The following DNAJA4 variants were observed in gnomAD, a reference collection of about 807,000 sequenced individuals.
DNAJA4 encodes the protein dnaJ homolog subfamily A member 4.
A neutral mutation model predicts 39.7 loss-of-function variants in DNAJA4; 32 were observed. The observed-to-expected ratio is 0.81, with a 90% CI of 0.61 to 1.08. DNAJA4 has a LOEUF of 1.08. DNAJA4 is among the 50% of genes least tolerant of loss of function. The pLI is 0.00. For synonymous variants in DNAJA4, 184 were observed against 182.4 expected (o/e 1.01, Z -0.07); for missense variants, 439 against 505.1 (o/e 0.87, Z 1.25).
At chr15:78,266,173 C>T (rs1226734712) in intron 1 of DNAJA4, 2 of 1,575,688 alleles carry the variant, frequency 1.3e-6, no homozygotes, top group Non-Finnish European at 1.7e-6. Flanking sequence ...TTGTGGTCCG[C>T]TTCTGACAGT....
At chr15:78,267,168 G>GTA (rs2049153015) in intron 1 of DNAJA4, among the ~76,000 whole-genome samples, 5 of 102,314 alleles carry the variant, frequency 4.9e-5, no homozygotes, top group African/African-American at 1.3e-4. Flanking sequence ...GTATGTGAGT[G>GTA]TGTGAGTGTG....
At chr15:78,275,264 C>T in intron 4 of DNAJA4, 1 of 528,720 alleles carries the variant, frequency 1.9e-6, no homozygotes. Context: ...GGATGTAGAG[C>T]CGCATTCCCC....
chr15:78,275,271 C>A, intron 4 of DNAJA4: 1 of 547,932 alleles, frequency 1.8e-6, no homozygotes. Flanking sequence ...GAGCCGCATT[C>A]CCCCACTCCC....
At chr15:78,273,276 G>A (rs2049353855) in intron 3 of DNAJA4, 77 bp downstream of exon 3, 3 of 905,596 alleles carry the variant, frequency 3.3e-6, no homozygotes, top group Non-Finnish European at 5.4e-6. Context: ...TATAGTTCAG[G>A]GAAAATAAGT....
intron 5 of DNAJA4, 144 bp downstream of exon 5, chr15:78,275,872 G>A (rs1269662182): frequency 1.6e-6 from 1 of 635,322 alleles, no homozygotes. Flanking sequence ...CATAAAATGG[G>A]TAATGATCAA....
Position 78,274,399 on chromosome 15 carries a change from G to C in DNAJA4, c.621G>C (p.Lys207Asn). 6.2e-7 allele frequency: 1 copy of C among 1,614,152 alleles called. No individual in the cohort carries two copies. The highest frequency in any genetic ancestry group is 8.5e-7 in the Non-Finnish European group (1 of 1,180,036). Residue 207 changes from lysine (K) to asparagine (N), a missense_variant, in exon 4 of 7, where the codon AAG becomes AAC. Physicochemically the swap from Lys to Asn is moderately conservative, Grantham distance 94. Coordinates refer to ENST00000394852, the MANE Select transcript of DNAJA4 (RefSeq NM_001130182.2). ...GGGCCAAGGTGATCCGTGAGAAGAA[G>C]ATTATCGAGGTACATGTTGAAAAAG... ...CSGAKVIREK[K>N]IIEVHVEKGM... is the part of the protein sequence containing the mutation.
chr15:78,264,408 C>G, upstream of DNAJA4: 3 of 1,371,848 alleles, frequency 2.2e-6, no homozygotes, highest in South Asian at 4.9e-5. Context: ...GCGGCTGGGC[C>G]GCGCCGGACG....
intron 5 of DNAJA4, 33 bp downstream of exon 5, chr15:78,275,761 C>A: frequency 6.8e-7 from 1 of 1,473,940 alleles, no homozygotes; most frequent in South Asian, 1.2e-5. Context: ...CATTGATGTT[C>A]TGTATGTTTG....
chr15:78,274,115 C>G (rs1349769463), intron 3 of DNAJA4, 82 bp from the exon 4 acceptor site: 1 of 1,389,290 alleles, frequency 7.2e-7, no homozygotes, highest in Non-Finnish European at 9.8e-7. Context: ...TGAGGGTTCC[C>G]TACCCTTCTG....
intron 5 of DNAJA4, among the ~76,000 whole-genome samples, chr15:78,276,634 T>C (rs2049467921): frequency 6.6e-6 from 1 of 152,248 alleles, no homozygotes; most frequent in African/African-American, 2.4e-5. Flanking sequence ...TGGTGGCGGC[T>C]ACGCCACCGA....
chr15:78,266,570 T>A (rs565815359), intron 1 of DNAJA4, among the ~76,000 whole-genome samples: 12 of 152,340 alleles, frequency 7.9e-5, no homozygotes, highest in South Asian at 4.1e-4. Context: ...CCAGGAATAC[T>A]TTCCTTCCTC....
chr15:78,273,716 C>T (rs1023164993), intron 3 of DNAJA4, among the ~76,000 whole-genome samples: 2 of 152,124 alleles, frequency 1.3e-5, no homozygotes, highest in African/African-American at 4.8e-5. Context: ...TTTCTTGACC[C>T]CTGACTTAAA....
chr15:78,277,804 C>T, intron 5 of DNAJA4: 1 of 348,964 alleles, frequency 2.9e-6, no homozygotes, highest in Admixed American at 3.9e-5. Flanking sequence ...GAAAGAGCCC[C>T]AGAGGGAAGG....
chr15:78,274,654 G>A, intron 4 of DNAJA4: 5 of 560,138 alleles, frequency 8.9e-6, no homozygotes, highest in Non-Finnish European at 9.6e-6. Context: ...TGAGATCACA[G>A]ACAGCCTCTT....
chr15:78,266,935 G>A (rs2049138239), intron 1 of DNAJA4, among the ~76,000 whole-genome samples: 1 of 152,208 alleles, frequency 6.6e-6, no homozygotes, highest in Admixed American at 6.5e-5. Context: ...AAATTGCAGT[G>A]AAAGGGATAT....
Position 78,273,702 on chromosome 15 carries a change from A to G in DNAJA4, c.419-495A>G, listed in dbSNP as rs2049365887. Among the ~76,000 whole-genome samples the G allele has an allele frequency of 3.9e-5, 6 of 152,356 alleles. No individual in the cohort carries two copies. The South Asian group carries it at 1.2e-3, about 32-fold the overall frequency. ...ATTTACAAAACCAAGCAGTCTGGCC[A>G]TGGTTTCTTGACCCCTGACTTAAAT... On this transcript the variant is annotated intron_variant, in intron 3 of 6. Transcript: ENST00000394852.
At chr15:78,265,936 A>C (rs1038832791) in intron 1 of DNAJA4, 29 of 589,044 alleles carry the variant, frequency 4.9e-5, no homozygotes, top group African/African-American at 4.6e-4. Context: ...AGCTGGAGAA[A>C]GCTACTTCAG....
At chr15:78,277,062 T>A (rs543471292) in intron 5 of DNAJA4, among the ~76,000 whole-genome samples, 2 of 152,388 alleles carry the variant, frequency 1.3e-5, no homozygotes, top group African/African-American at 4.8e-5. Context: ...ATTTCAAGCT[T>A]ACAAGAAGTT....
At chr15:78,268,364 G>T (rs1358349387) in intron 1 of DNAJA4, among the ~76,000 whole-genome samples, 1 of 152,130 alleles carries the variant, frequency 6.6e-6, no homozygotes, top group Non-Finnish European at 1.5e-5. Context: ...AATGGTATGA[G>T]AATTAACATA....
Sources: gnomAD v4.1 joint callset for allele counts (sites outside exome capture counted in the v4.1 genomes callset) on GRCh38, gnomAD v4.1.1 for gene constraint, MANE v1.5 for transcripts, NCBI Gene and HGNC (gene_info 2026-07-23, HGNC 2026-07-21) for gene names.